Variants in ELAPOR2 observed in about 807,000 individuals in gnomAD.
The protein encoded by ELAPOR2 is endosome-lysosome associated apoptosis and autophagy regulator family member 2.
ELAPOR2 carries 89 observed loss-of-function variants against 120.7 expected under a neutral mutation model. The observed-to-expected ratio is 0.74, with a 90% CI of 0.62 to 0.88. The LOEUF is 0.88. ELAPOR2 is among the 40% of genes least tolerant of loss of function. The pLI is 0.00. For missense variants in ELAPOR2, 1,134 were observed against 1,251.6 expected, an observed-to-expected ratio of 0.91 and a Z score of 1.42; for synonymous variants, 444 against 444.9, an observed-to-expected ratio of 1.00 and a Z score of 0.03.
Position 86,914,808 on chromosome 7 carries a change from T to A in ELAPOR2, c.1646A>T (p.Glu549Val). ...GATGATATGGGTGTAAGCTTGTTTT[T>A]CTTTGGTTCCACCCCACGATTCTAC... ...NVVESWGGTK[E>V]KQAYTHIIFK... Residue 549 changes from glutamate to valine, a missense_variant, in exon 13 of 22, where the codon GAA becomes GTA. Physicochemically the swap from Glu to Val is moderately radical, Grantham distance 121. This residue lies in a region of ELAPOR2 where 831 missense variants were observed against 867.6 expected (regional missense o/e 0.96). Coordinates refer to ENST00000450689, the MANE Select transcript of ELAPOR2 (RefSeq NM_001142749.3). The A allele has an allele frequency of 6.2e-7, 1 of 1,612,692 alleles. No homozygotes were observed. Among genetic ancestry groups the A allele is most frequent in the Middle Eastern group, 1.7e-4 (1 of 6,052 alleles).
chr7:86,919,628 T>C (rs1789731813), intron 10 of ELAPOR2: 2 of 181,212 alleles, frequency 1.1e-5, no homozygotes, highest in Admixed American at 6.1e-5. Flanking sequence ...TGAACAATCC[T>C]AGTCTTCAGG....
intron 5 of ELAPOR2, 61 bp from the exon 6 acceptor site, chr7:86,940,176 T>TAG (rs573564701): frequency 3.8e-4 from 373 of 974,232 alleles, no homozygotes; most frequent in Middle Eastern, 2.2e-3. Context: ...CAAAAGCTAC[T>TAG]CCCTTACATA....
At chr7:86,937,726 G>A (rs1263864378) in intron 8 of ELAPOR2, among the ~76,000 whole-genome samples, 1 of 151,984 alleles carries the variant, frequency 6.6e-6, no homozygotes, top group Non-Finnish European at 1.5e-5. Flanking sequence ...ACATTTTAAG[G>A]CTGTGCTCTC....
At chr7:87,027,480 T>C (rs937082965) in intron 1 of ELAPOR2, among the ~76,000 whole-genome samples, 1 of 152,126 alleles carries the variant, frequency 6.6e-6, no homozygotes, top group African/African-American at 2.4e-5. Context: ...TTGAATTGTG[T>C]CCCCAAAAAA....
chr7:86,983,252 GA>G (rs1792579173), intron 1 of ELAPOR2, among the ~76,000 whole-genome samples: 1 of 152,200 alleles, frequency 6.6e-6, no homozygotes, highest in South Asian at 2.1e-4. Flanking sequence ...AACCAAGTTG[GA>G]AAACACTCTT....
chr7:87,055,128 C>T (rs1795222922), intron 1 of ELAPOR2, among the ~76,000 whole-genome samples: 1 of 152,196 alleles, frequency 6.6e-6, no homozygotes, highest in Non-Finnish European at 1.5e-5. Context: ...CCAGCCCACA[C>T]CATGCCCCTG....
chr7:86,964,605 A>T (rs926563180), intron 2 of ELAPOR2, among the ~76,000 whole-genome samples: 2 of 152,196 alleles, frequency 1.3e-5, no homozygotes, highest in South Asian at 4.1e-4. Context: ...TAACATTTTT[A>T]AAATAAGAAA....
At chr7:86,928,224 G>A (rs549240053) in intron 8 of ELAPOR2, among the ~76,000 whole-genome samples, 1 of 151,852 alleles carries the variant, frequency 6.6e-6, no homozygotes, top group Admixed American at 6.6e-5. Flanking sequence ...GTAAAATAAT[G>A]GCTGCTCCTG....
chr7:87,032,119 G>C (rs1794441037), intron 1 of ELAPOR2, among the ~76,000 whole-genome samples: 1 of 152,148 alleles, frequency 6.6e-6, no homozygotes, highest in Non-Finnish European at 1.5e-5. Context: ...AGTTTCATGA[G>C]TGCTTACATA....
rs370693667 is a variant in ELAPOR2, at chr7:86,968,631, C to A, written c.190-3607G>T. ...GGTGCAGGCTGCTATAGAAACTGAT[C>A]ATTCTGAAAGGTGCACTAAAAAGCA... is the stretch of plus-strand genomic sequence containing the variant. On this transcript the variant is annotated intron_variant, in intron 1 of 21. Transcript: ENST00000450689. Among the ~76,000 whole-genome samples the A allele has an allele frequency of 8.3e-4, 127 of 152,312 alleles. 1 individual carries two copies. The highest frequency in any genetic ancestry group is 2.6e-3 in the African/African-American group (108 of 41,576).
chr7:86,915,960 T>C (rs528845052), intron 12 of ELAPOR2, among the ~76,000 whole-genome samples: 92 of 152,210 alleles, frequency 6.0e-4, no homozygotes, highest in African/African-American at 2.2e-3. Context: ...TTATAATAAT[T>C]GAAATTTAAT....
At chr7:86,952,951 C>T (rs1182849778) in intron 2 of ELAPOR2, among the ~76,000 whole-genome samples, 1 of 151,938 alleles carries the variant, frequency 6.6e-6, no homozygotes, top group Non-Finnish European at 1.5e-5. Context: ...AAAAAGTTAG[C>T]CAGGCGAGGT....
chr7:86,930,192 T>C (rs1214542674), intron 8 of ELAPOR2, among the ~76,000 whole-genome samples: 1 of 151,986 alleles, frequency 6.6e-6, no homozygotes, highest in African/African-American at 2.4e-5. Context: ...TTGTGGTGAC[T>C]ATACTGAAAA....
At chr7:86,899,548 A>G (rs1339596167) in intron 18 of ELAPOR2, among the ~76,000 whole-genome samples, 1 of 152,152 alleles carries the variant, frequency 6.6e-6, no homozygotes, top group Non-Finnish European at 1.5e-5. Flanking sequence ...GTTCAAAACT[A>G]TAATATTCAG....
At chr7:86,917,149 G>C (rs1327478297) in intron 12 of ELAPOR2, among the ~76,000 whole-genome samples, 1 of 151,716 alleles carries the variant, frequency 6.6e-6, no homozygotes, top group African/African-American at 2.4e-5. Context: ...GTTGGGCGCG[G>C]TGACTCACAC....
At chr7:86,883,628 A>G (rs1270842400) in intron 21 of ELAPOR2, among the ~76,000 whole-genome samples, 1 of 152,218 alleles carries the variant, frequency 6.6e-6, no homozygotes, top group Admixed American at 6.5e-5. Context: ...GAGTAAAGTA[A>G]AATGTACACA....
intron 2 of ELAPOR2, among the ~76,000 whole-genome samples, chr7:86,952,511 T>A (rs1791300706): frequency 6.6e-6 from 1 of 152,166 alleles, no homozygotes. Context: ...ATACATCACA[T>A]CATTCTTCAT....
Position 86,909,864 on chromosome 7 carries a change from A to G in ELAPOR2, c.2307T>C (p.Gly769=). The G allele has an allele frequency of 6.2e-7, 1 of 1,613,258 alleles. No individual in the cohort carries two copies. Among genetic ancestry groups the G allele is most frequent in the South Asian group, 1.1e-5 (1 of 90,978 alleles). The part of the protein sequence containing the change: ...QSTIIPSESK[G]FRAALSSQSI... ...ATTGTGATGATAAGGCTGCTCGGAA[A>G]CCCTTACTTTCAGAAGGAATAATTG... The change falls in exon 16 of 22, where the codon GGT becomes GGC. Residue 769 remains glycine, a synonymous_variant. Transcript: ENST00000450689.
At chr7:86,948,430 G>C (rs1340665985) in intron 2 of ELAPOR2, among the ~76,000 whole-genome samples, 2 of 152,166 alleles carry the variant, frequency 1.3e-5, no homozygotes, top group African/African-American at 4.8e-5. Context: ...GTGAGATTTT[G>C]AGCTTTAAGA....
Sources: allele counts gnomAD v4.1 joint callset (sites outside exome capture counted in the v4.1 genomes callset), GRCh38; gene constraint gnomAD v4.1.1; regional missense constraint gnomAD v4.1.1; transcripts MANE v1.5; gene names NCBI Gene and HGNC (gene_info 2026-07-23, HGNC 2026-07-21).